Variants in TRPM6 observed in about 807,000 individuals in gnomAD.
The protein encoded by TRPM6 is transient receptor potential cation channel subfamily M member 6, also known as channel kinase 2.
A neutral mutation model predicts 247.6 loss-of-function variants in TRPM6; 111 were observed. That is an observed-to-expected ratio of 0.45 (90% CI 0.38 to 0.52). The LOEUF is 0.52. Among genes scored for constraint, TRPM6 ranks in the 20% least tolerant of loss-of-function variants. The probability of loss-of-function intolerance (pLI) is 0.00; values close to 1 mark genes in which losing one functional copy is unlikely to be tolerated. For missense variants in TRPM6, 2,126 were observed against 2,421.5 expected (o/e 0.88, Z 2.56); for synonymous variants, 892 against 853.8 (o/e 1.04, Z -0.78).
intron 1 of TRPM6, among the ~76,000 whole-genome samples, chr9:74,872,600 TTGTGTG>T (rs59577843): frequency 2.0e-5 from 3 of 150,090 alleles, no homozygotes; most frequent in East Asian, 2.0e-4. Flanking sequence ...CCAGCAAATT[TTGTGTG>T]TGTGTGTGTG....
intron 9 of TRPM6, among the ~76,000 whole-genome samples, chr9:74,817,490 G>A (rs931051171): frequency 6.6e-6 from 1 of 152,110 alleles, no homozygotes; most frequent in Non-Finnish European, 1.5e-5. Flanking sequence ...CGCCCAGCCA[G>A]ACTTGCTTTT....
chr9:74,836,575 C>A (rs1298900114), intron 5 of TRPM6, among the ~76,000 whole-genome samples: 1 of 152,192 alleles, frequency 6.6e-6, no homozygotes, highest in Non-Finnish European at 1.5e-5. Flanking sequence ...GTTTTAAGCA[C>A]CTTACATGTG....
chr9:74,855,100 G>A (rs1302870589), intron 3 of TRPM6, among the ~76,000 whole-genome samples: 5 of 152,260 alleles, frequency 3.3e-5, no homozygotes, highest in South Asian at 2.1e-4. Flanking sequence ...AGGTAAAAAC[G>A]GTCACATAGT....
chr9:74,802,048 C>T lies in TRPM6; in HGVS notation c.1859G>A (p.Arg620Lys), dbSNP rs908300440. 1.9e-6 allele frequency: 3 copies of T among 1,614,200 alleles called. No homozygotes were observed. The highest frequency in any genetic ancestry group is 8.5e-7 in the Non-Finnish European group (1 of 1,180,038). Reference protein sequence around the residue: ...DLLVWAVLMKRQKMAMFFWQH... With the variant: ...DLLVWAVLMKKQKMAMFFWQH... ...CCAGAAGAACATAGCCATCTTCTGC[C>T]TTTTCATCAGCACAGCCCAAACCAG... Residue 620 changes from arginine (R) to lysine (K), a missense_variant, in exon 16 of 39, where the codon AGG (arginine) becomes AAG (lysine). Coordinates refer to ENST00000360774, the MANE Select transcript of TRPM6 (RefSeq NM_017662.5).
At chr9:74,853,204 C>T (rs1445438796) in intron 3 of TRPM6, among the ~76,000 whole-genome samples, 4 of 151,060 alleles carry the variant, frequency 2.6e-5, no homozygotes, top group African/African-American at 9.7e-5. Flanking sequence ...GTGAGAAGCC[C>T]CTCCGCCCGG....
At chr9:74,844,137 G>A (rs1221085891) in intron 3 of TRPM6, among the ~76,000 whole-genome samples, 2 of 152,122 alleles carry the variant, frequency 1.3e-5, no homozygotes, top group African/African-American at 2.4e-5. Context: ...ATTATTAAGG[G>A]ACCTAAAATT....
chr9:74,791,746 T>G (rs1827905713), intron 19 of TRPM6, among the ~76,000 whole-genome samples: 1 of 152,162 alleles, frequency 6.6e-6, no homozygotes, highest in Admixed American at 6.5e-5. Context: ...AACAAAAAGC[T>G]GATTCAATTG....
At chr9:74,757,387 G>A (rs1055766508) in intron 27 of TRPM6, among the ~76,000 whole-genome samples, 82 of 150,828 alleles carry the variant, frequency 5.4e-4, no homozygotes, top group African/African-American at 1.9e-3. Context: ...CCAACATGTC[G>A]AAAACCTGTC....
intron 10 of TRPM6, 48 bp downstream of exon 10, chr9:74,816,844 A>G: frequency 1.2e-6 from 2 of 1,609,616 alleles, no homozygotes; most frequent in South Asian, 2.2e-5. Context: ...ACTGTGGAAC[A>G]TGAGAAGCGT....
At chr9:74,733,527 TAAAAG>T (rs894637359) in intron 36 of TRPM6, among the ~76,000 whole-genome samples, 2 of 152,240 alleles carry the variant, frequency 1.3e-5, no homozygotes, top group African/African-American at 4.8e-5. Context: ...TCAGCAATTA[TAAAAG>T]AAAAGTGTTA....
intron 33 of TRPM6, among the ~76,000 whole-genome samples, chr9:74,741,817 G>A (rs1825872929): frequency 6.6e-6 from 1 of 151,986 alleles, no homozygotes; most frequent in African/African-American, 2.4e-5. Flanking sequence ...TTGAACCCAG[G>A]AGGCAGAGGT....
intron 29 of TRPM6, 138 bp downstream of exon 29, chr9:74,752,139 T>C: frequency 1.6e-6 from 1 of 627,442 alleles, no homozygotes; most frequent in Non-Finnish European, 2.8e-6. Flanking sequence ...CAACTGAGCA[T>C]AGCTTCAAAA....
intron 7 of TRPM6, among the ~76,000 whole-genome samples, chr9:74,825,898 C>T (rs1829314388): frequency 6.6e-6 from 1 of 152,130 alleles, no homozygotes; most frequent in South Asian, 2.1e-4. Context: ...TTCCTTCCCT[C>T]TGCTCTGCTG....
rs534309094 is a variant in TRPM6 at position 74,729,247 on chromosome 9, C to T, written c.5829-902G>A. ...ACTCAATTACCGCTCTTAAATACCA[C>T]GTCTTAAGAAAAAAGAAAAGCAAAC... On this transcript the variant is annotated intron_variant, in intron 37 of 38. Transcript: ENST00000360774. 1.1e-3 allele frequency among the ~76,000 whole-genome samples: 160 copies of T among 152,272 alleles called. 1 individual carries two copies. Among genetic ancestry groups the T allele is most frequent in the African/African-American group, 2.6e-3 (107 of 41,552 alleles).
chr9:74,868,333 GA>G (rs1377377030), intron 1 of TRPM6, among the ~76,000 whole-genome samples: 4 of 145,268 alleles, frequency 2.8e-5, no homozygotes, highest in Non-Finnish European at 4.5e-5. Context: ...CATCTCTACT[GA>G]AAATACAAAA....
intron 1 of TRPM6, among the ~76,000 whole-genome samples, chr9:74,885,399 G>A (rs1831501212): frequency 6.6e-6 from 1 of 152,130 alleles, no homozygotes; most frequent in African/African-American, 2.4e-5. Context: ...AATATCTAGA[G>A]ATACAGACAA....
chr9:74,735,785 G>A (rs1206430103), intron 36 of TRPM6, among the ~76,000 whole-genome samples: 2 of 152,142 alleles, frequency 1.3e-5, no homozygotes, highest in East Asian at 3.8e-4. Flanking sequence ...ACAAGTGATT[G>A]GAAATTGGTC....
At chr9:74,852,513 CCT>C (rs1830365010) in intron 3 of TRPM6, among the ~76,000 whole-genome samples, 1 of 151,876 alleles carries the variant, frequency 6.6e-6, no homozygotes, top group African/African-American at 2.4e-5. Flanking sequence ...TCCCTCTCCC[CCT>C]CTCTCCACGG....
intron 1 of TRPM6, among the ~76,000 whole-genome samples, chr9:74,875,077 A>G (rs1239741356): frequency 6.6e-6 from 1 of 152,034 alleles, no homozygotes; most frequent in African/African-American, 2.4e-5. Context: ...TAATTGTATT[A>G]TAAGAAGGAA....
Sources: gnomAD v4.1 joint callset for allele counts (sites outside exome capture counted in the v4.1 genomes callset) on GRCh38, gnomAD v4.1.1 for gene constraint, MANE v1.5 for transcripts, NCBI Gene and HGNC (gene_info 2026-07-23, HGNC 2026-07-21) for gene names.